TMEM123: variants seen among roughly 807,000 people sequenced by gnomAD.
TMEM123 encodes porimin.
TMEM123 carries 16 observed loss-of-function variants against 19.7 expected under a neutral mutation model. That is an observed-to-expected ratio of 0.81 (90% CI 0.55 to 1.23). TMEM123 has a LOEUF of 1.23. TMEM123 is among the 50% of genes most tolerant of loss of function. The pLI, the probability that TMEM123 is intolerant of heterozygous loss-of-function variation, is 0.00. For synonymous variants in TMEM123, 118 were observed against 99.4 expected (o/e 1.19, Z -1.12); for missense variants, 313 against 257.8 (o/e 1.21, Z -1.47).
At position 102,402,115 on chromosome 11, in the gene TMEM123, A is replaced by G; in HGVS notation, c.249T>C (p.Asn83=). The change falls in exon 3 of 5, where the codon AAT becomes AAC. Residue 83 remains asparagine, a synonymous_variant. Coordinates refer to ENST00000398136, the MANE Select transcript of TMEM123 (RefSeq NM_052932.3). ...TAGGTTTCATGGTGGTGACCGTTGT[A>G]TTACTGGAGTCTGAGGCAACTGAAG... ...PPTSVASDSS[N]TTVTTMKPTA... is the part of the protein sequence containing the mutation. 1 of 1,614,116 alleles carries G rather than the reference A, an allele frequency of 6.2e-7. No homozygotes were observed. Among genetic ancestry groups the G allele is most frequent in the South Asian group, 1.1e-5 (1 of 91,082 alleles).
rs1857957122 is a variant in TMEM123 at position 102,452,653 on chromosome 11, TGGGC to T, written c.-34_-31del. On this transcript the variant is annotated 5_prime_UTR_variant, in exon 1 of 5. Coordinates refer to ENST00000398136, the MANE Select transcript of TMEM123 (RefSeq NM_052932.3). ...CCGAGGGCAGGATGCGGCAGCCTCGTGGGCTCCCAGCCGAGGTGGCGGCGGCGAG... is the reference window on the plus strand; with the variant it reads ...CCGAGGGCAGGATGCGGCAGCCTCGTTCCCAGCCGAGGTGGCGGCGGCGAG... 1 of 1,448,716 alleles carries T rather than the reference TGGGC, an allele frequency of 6.9e-7. No homozygotes were observed. The highest frequency in any genetic ancestry group is 9.1e-7 in the Non-Finnish European group (1 of 1,093,464). 89.7% of individuals were successfully genotyped at this position (1,448,716 alleles called of 1,614,324 possible).
chr11:102,416,143 G>A (rs137894501), intron 2 of TMEM123, among the ~76,000 whole-genome samples: 4,011 of 152,224 alleles, frequency 0.026, 95 homozygotes, highest in Non-Finnish European at 0.037. Flanking sequence ...TCAAACTCCC[G>A]ACCTCAGGTG....
At chr11:102,411,778 A>C (rs1952007283) in intron 2 of TMEM123, among the ~76,000 whole-genome samples, 1 of 152,154 alleles carries the variant, frequency 6.6e-6, no homozygotes, top group Admixed American at 6.5e-5. Context: ...CAAATGAATT[A>C]ATTGTAAGAA....
rs1327001450 is a variant in TMEM123 at position 102,398,406 on chromosome 11, G to A, written c.*461C>T. On this transcript the variant is annotated 3_prime_UTR_variant, in exon 5 of 5. Coordinates refer to ENST00000398136, the MANE Select transcript of TMEM123 (RefSeq NM_052932.3). ...GATCTAGTTTGATTGTATAATTTCT[G>A]TGTGGCATTAGTAATTAAGATATAT... The A allele has an allele frequency of 1.8e-5, 7 of 395,926 alleles. No individual in the cohort carries two copies. Among genetic ancestry groups the A allele is most frequent in the East Asian group, 1.1e-4 (3 of 27,996 alleles). 24.5% of individuals were successfully genotyped at this position (395,926 alleles called of 1,614,324 possible).
chr11:102,452,568 A>T lies in TMEM123; in HGVS notation c.56T>A (p.Val19Glu). Residue 19 changes from valine (V) to glutamate (E), a missense_variant, in exon 1 of 5, where the codon GTG becomes GAG. By Grantham distance (121) the Val-to-Glu change is moderately radical. Coordinates refer to ENST00000398136, the MANE Select transcript of TMEM123 (RefSeq NM_052932.3). ...WAALLLGTLQ[V>E]LALLGAAHES... is the part of the protein sequence containing the mutation. ...ATGGGCGGCCCCCAGCAGCGCTAGC[A>T]CCTGCAGCGTCCCCAGGAGCAGCGC... The T allele has an allele frequency of 1.3e-6, 2 of 1,574,070 alleles. No homozygotes were observed. Among genetic ancestry groups the T allele is most frequent in the Non-Finnish European group, 1.7e-6 (2 of 1,164,654 alleles).
Position 102,448,854 on chromosome 11 carries a change from C to A in TMEM123, c.115G>T (p.Glu39Ter). The A allele has an allele frequency of 6.2e-7, 1 of 1,613,694 alleles. No individual in the cohort carries two copies. Among genetic ancestry groups the A allele is most frequent in the South Asian group, 1.1e-5 (1 of 91,074 alleles). The change falls in exon 2 of 5, where the codon GAG becomes TAG. Residue 39 changes from glutamate (E) to a stop codon, truncating the protein, a stop_gained. Transcript: ENST00000398136. LOFTEE classifies it high-confidence loss of function. ...SAAMAASANI[E>*]NSGLPHNSSA... ...GAGTTGTGTGGAAGCCCAGAATTCT[C>A]TATGTTTGCAGATGCTGTAAAAATA...
intron 2 of TMEM123, among the ~76,000 whole-genome samples, chr11:102,413,398 C>T (rs1209433230): frequency 6.6e-6 from 1 of 152,168 alleles, no homozygotes; most frequent in Non-Finnish European, 1.5e-5. Flanking sequence ...TGTGCACGGA[C>T]CCCACCACCC....
At position 102,452,707 on chromosome 11, in the gene TMEM123, C is replaced by CGGCGAGAG; in HGVS notation, c.-85_-84insCTCTCGCC. 1 of 1,112,290 alleles carries CGGCGAGAG rather than the reference C, an allele frequency of 9.0e-7. No homozygotes were observed. The highest frequency in any genetic ancestry group is 2.3e-5 in the South Asian group (1 of 44,084). 68.9% of individuals were successfully genotyped at this position (1,112,290 alleles called of 1,614,324 possible). ...GAGCGGCTCCTCTGCGCAGCCGGCGCCGGCTCCGCTTCCCCTTCGGCCGCG... is the reference window on the plus strand; with the variant it reads ...GAGCGGCTCCTCTGCGCAGCCGGCGCGGCGAGAGCGGCTCCGCTTCCCCTTCGGCCGCG... On this transcript the variant is annotated 5_prime_UTR_variant, in exon 1 of 5. Transcript: ENST00000398136.
chr11:102,427,793 G>A (rs867951265), intron 2 of TMEM123, among the ~76,000 whole-genome samples: 62 of 147,588 alleles, frequency 4.2e-4, no homozygotes, highest in East Asian at 6.7e-4. Context: ...AGCCGAGATC[G>A]CGCCACTGCA....
chr11:102,438,605 A>C (rs1369246773), intron 2 of TMEM123, among the ~76,000 whole-genome samples: 1 of 152,226 alleles, frequency 6.6e-6, no homozygotes, highest in Non-Finnish European at 1.5e-5. Flanking sequence ...GATGATGTTA[A>C]AAATTACCAG....
intron 2 of TMEM123, among the ~76,000 whole-genome samples, chr11:102,421,508 T>G (rs1043737211): frequency 6.6e-6 from 1 of 150,904 alleles, no homozygotes; most frequent in Non-Finnish European, 1.5e-5. Context: ...AACAAAGAGA[T>G]ATTCAGTCAG....
chr11:102,405,656 A>G (rs918061664), intron 2 of TMEM123, among the ~76,000 whole-genome samples: 1 of 152,126 alleles, frequency 6.6e-6, no homozygotes, highest in African/African-American at 2.4e-5. Flanking sequence ...CAATGAACAC[A>G]ATGCTGCTTT....
chr11:102,402,753 G>A (rs1727209020), intron 2 of TMEM123, among the ~76,000 whole-genome samples: 1 of 152,200 alleles, frequency 6.6e-6, no homozygotes, highest in Non-Finnish European at 1.5e-5. Context: ...TATGCATTAG[G>A]AAGTGAGATA....
At chr11:102,450,168 G>T (rs1857923905) in intron 1 of TMEM123, among the ~76,000 whole-genome samples, 1 of 152,094 alleles carries the variant, frequency 6.6e-6, no homozygotes, top group Admixed American at 6.5e-5. Context: ...ATCATCTTTT[G>T]GCTGGGCTAA....
At chr11:102,446,366 T>C (rs1857883335) in intron 2 of TMEM123, among the ~76,000 whole-genome samples, 1 of 152,136 alleles carries the variant, frequency 6.6e-6, no homozygotes. Context: ...CAAATAATGA[T>C]TAGAGGACAT....
intron 2 of TMEM123, among the ~76,000 whole-genome samples, chr11:102,422,544 A>C (rs1952096049): frequency 6.6e-6 from 1 of 152,156 alleles, no homozygotes; most frequent in South Asian, 2.1e-4. Flanking sequence ...GCCAATTAGG[A>C]AATCCCCAAA....
chr11:102,402,508 CTCTG>C (rs1951923254), intron 2 of TMEM123, among the ~76,000 whole-genome samples: 1 of 151,606 alleles, frequency 6.6e-6, no homozygotes, highest in Admixed American at 6.6e-5. Flanking sequence ...TCTTAATCAT[CTCTG>C]TCTGAACATC....
At chr11:102,441,635 T>G (rs1191926845) in intron 2 of TMEM123, among the ~76,000 whole-genome samples, 3 of 150,138 alleles carry the variant, frequency 2.0e-5, no homozygotes, top group Non-Finnish European at 4.4e-5. Flanking sequence ...TTAAAAGAAC[T>G]AGAGAAGCAA....
chr11:102,445,956 C>T (rs146230268), intron 2 of TMEM123, among the ~76,000 whole-genome samples: 54 of 152,194 alleles, frequency 3.5e-4, no homozygotes, highest in Non-Finnish European at 5.6e-4. Flanking sequence ...AAGAGATAAA[C>T]GGCTTTGGAA....
Sources: allele counts gnomAD v4.1 joint callset (sites outside exome capture counted in the v4.1 genomes callset), GRCh38; gene constraint gnomAD v4.1.1; transcripts MANE v1.5; gene names NCBI Gene and HGNC (gene_info 2026-07-23, HGNC 2026-07-21).